PLBD2: variants seen among roughly 807,000 people sequenced by gnomAD.
PLBD2 encodes the protein putative aminopeptidase PLBD2.
PLBD2 carries 51 observed loss-of-function variants against 68.3 expected under a neutral mutation model. The ratio of observed to expected loss-of-function variants is 0.75; its 90% CI spans 0.60 to 0.94. PLBD2 has a LOEUF of 0.94. PLBD2 is among the 40% of genes least tolerant of loss of function. The probability of loss-of-function intolerance (pLI) is 0.00; values close to 1 mark genes in which losing one functional copy is unlikely to be tolerated. For missense variants in PLBD2, 729 were observed against 792.2 expected, an observed-to-expected ratio of 0.92 and a Z score of 0.96; for synonymous variants, 314 against 339.3, an observed-to-expected ratio of 0.93 and a Z score of 0.82.
intron 1 of PLBD2, among the ~76,000 whole-genome samples, chr12:113,366,056 T>G (rs1389940898): frequency 6.6e-6 from 1 of 152,204 alleles, no homozygotes; most frequent in Non-Finnish European, 1.5e-5. Context: ...CCTCAATGTC[T>G]GGCAGCCAGT....
chr12:113,359,904 C>T (rs971511978), intron 1 of PLBD2, among the ~76,000 whole-genome samples: 2 of 152,062 alleles, frequency 1.3e-5, no homozygotes, highest in East Asian at 1.9e-4. Flanking sequence ...CTAGGGAACC[C>T]GGGGTGCATC....
chr12:113,370,472 C>CTTT (rs71086162), intron 2 of PLBD2, among the ~76,000 whole-genome samples: 93 of 103,610 alleles, frequency 9.0e-4, no homozygotes, highest in Non-Finnish European at 1.1e-3. Flanking sequence ...TTTTTCTTTT[C>CTTT]TTTTTTTTTT....
At chr12:113,381,866 G>A (rs1219164551) in intron 6 of PLBD2, among the ~76,000 whole-genome samples, 2 of 151,854 alleles carry the variant, frequency 1.3e-5, no homozygotes, top group African/African-American at 2.4e-5. Context: ...CTGTCACTCA[G>A]GTTGGAATGC....
intron 1 of PLBD2, among the ~76,000 whole-genome samples, chr12:113,361,047 A>G (rs1957288558): frequency 6.6e-6 from 1 of 152,086 alleles, no homozygotes; most frequent in Non-Finnish European, 1.5e-5. Context: ...TAGGCAGGAA[A>G]CTGAGGTCCT....
rs193035139 is a variant in PLBD2 at position 113,369,125 on chromosome 12, C to T, written c.300C>T (p.Phe100=). 2.8e-5 allele frequency: 44 copies of T among 1,596,880 alleles called. No individual in the cohort carries two copies. In the East Asian group the frequency reaches 8.8e-4, roughly 32 times the overall value. ...CCTCCTTCCCCTCCAGGTGGGCCTT[C>T]CTGGAGCTGGGCACAAGTGGCCAAT... ...TNAIRETGWA[F]LELGTSGQYN... The change falls in exon 2 of 12, where the codon TTC becomes TTT. Residue 100 remains phenylalanine, a synonymous_variant. Transcript: ENST00000280800.
Position 113,358,772 on chromosome 12 carries a change from G to T in PLBD2, c.172G>T (p.Ala58Ser). 1 of 1,443,330 alleles carries T rather than the reference G, an allele frequency of 6.9e-7. No individual in the cohort carries two copies. The allele number at this position is 1,443,330 out of a possible 1,614,324, so 89.4% of individuals were successfully genotyped here. A position where few individuals can be genotyped will look rare whatever the true frequency, so the allele number is the denominator to read the frequency against. The change falls in exon 1 of 12, where the codon GCC becomes TCC. Residue 58 changes from alanine (A) to serine (S), a missense_variant. Ala to Ser is a moderately conservative substitution (Grantham distance 99, BLOSUM62 1). Coordinates refer to ENST00000280800, the MANE Select transcript of PLBD2 (RefSeq NM_173542.4). ...GGCGCGCGATGGGCAGGTCCCTCCA[G>T]CCTCCCGCAGCCGCTCGGTGCTCCT... The part of the protein sequence containing the change: ...RWARDGQVPP[A>S]SRSRSVLLDV...
In PLBD2 at chr12:113,372,174, C is replaced by T. The variant is rs920330782; in HGVS notation, c.385-475C>T. The stretch of plus-strand genomic sequence containing the variant: ...ACGTGGTCTTTTGTCCCCCAGCAGG[C>T]GAGCCTGGACTCATGCAGGTGGCAT... On this transcript the variant is annotated intron_variant, in intron 2 of 11. Transcript: ENST00000280800. The surrounding 1 kb of genome is among the most constrained non-coding windows in gnomAD (Gnocchi z 4.2). 6.6e-6 allele frequency among the ~76,000 whole-genome samples: 1 copy of T among 150,506 alleles called. No homozygotes were observed. The highest frequency in any genetic ancestry group is 6.7e-5 in the Admixed American group (1 of 15,008).
At chr12:113,376,261 T>G (rs1957437619) in intron 5 of PLBD2, among the ~76,000 whole-genome samples, 3 of 151,646 alleles carry the variant, frequency 2.0e-5, no homozygotes, top group Admixed American at 6.6e-5. Flanking sequence ...CCTCCTGGGT[T>G]CAAGTGATTC....
At chr12:113,360,112 G>A (rs747333329) in intron 1 of PLBD2, among the ~76,000 whole-genome samples, 11 of 152,194 alleles carry the variant, frequency 7.2e-5, no homozygotes, top group African/African-American at 2.7e-4. Flanking sequence ...CCCCCATTCT[G>A]GTGGCACTTG....
In PLBD2 at chr12:113,372,876, C is replaced by G; in HGVS notation, c.543+69C>G. On this transcript the variant is annotated intron_variant, in intron 3 of 11. Coordinates refer to ENST00000280800, the MANE Select transcript of PLBD2 (RefSeq NM_173542.4). This position sits in a 1 kb window ranked among gnomAD's most constrained non-coding sequence, Gnocchi z 4.2. ...GCCAGCCATCCTGTCTCCTGTTGTT[C>G]TGGCCAGCCTTGTGGCATGTCCAGC... The G allele has an allele frequency of 6.4e-7, 1 of 1,557,986 alleles. No individual in the cohort carries two copies. The highest frequency in any genetic ancestry group is 8.7e-7 in the Non-Finnish European group (1 of 1,150,620).
intron 3 of PLBD2, among the ~76,000 whole-genome samples, chr12:113,374,025 G>A (rs1957414279): frequency 6.6e-6 from 1 of 152,102 alleles, no homozygotes; most frequent in Non-Finnish European, 1.5e-5. Flanking sequence ...CCTGCCCAAG[G>A]CCCCATGAGG....
intron 5 of PLBD2, among the ~76,000 whole-genome samples, chr12:113,376,545 T>C (rs1230484219): frequency 1.3e-5 from 2 of 152,180 alleles, no homozygotes; most frequent in Non-Finnish European, 1.5e-5. Flanking sequence ...CCATTTGCTA[T>C]GAGGAACTGC....
rs1474100774 is a variant in PLBD2 at position 113,391,391 on chromosome 12, G to A, written c.*2765G>A. 1 of 152,232 alleles carries A rather than the reference G, an allele frequency of 6.6e-6. No homozygotes were observed. The highest frequency in any genetic ancestry group is 1.5e-5 in the Non-Finnish European group (1 of 68,054). 9.4% of individuals were successfully genotyped at this position (152,232 alleles called of 1,614,324 possible). A position where few individuals can be genotyped will look rare whatever the true frequency, so the allele number is the denominator to read the frequency against. On this transcript the variant is annotated 3_prime_UTR_variant, in exon 12 of 12. Coordinates refer to ENST00000280800, the MANE Select transcript of PLBD2 (RefSeq NM_173542.4). ...CTGGGGGATGTGATGCAGCCCACTT[G>A]GGGCCTCATGCACTCAGCATCTCTT...
intron 9 of PLBD2, among the ~76,000 whole-genome samples, chr12:113,385,653 T>C (rs1593291997): frequency 6.6e-6 from 1 of 152,198 alleles, no homozygotes; most frequent in East Asian, 1.9e-4. Context: ...GTCACTAGAG[T>C]TCCTGTTCCC....
At chr12:113,368,288 G>A (rs34991985) in intron 1 of PLBD2, among the ~76,000 whole-genome samples, 5,576 of 152,296 alleles carry the variant, frequency 0.037, 151 homozygotes, top group Middle Eastern at 0.092. Context: ...GGGCAGCAGT[G>A]CTGTGTGATA....
chr12:113,378,969 C>T (rs565343745), intron 5 of PLBD2, among the ~76,000 whole-genome samples: 5 of 152,248 alleles, frequency 3.3e-5, no homozygotes, highest in Middle Eastern at 3.4e-3. Context: ...CCACTGTGCC[C>T]GGCCTACTGG....
intron 6 of PLBD2, among the ~76,000 whole-genome samples, chr12:113,382,869 T>G (rs7309572): frequency 0.042 from 2,624 of 62,466 alleles, 11 homozygotes; most frequent in African/African-American, 0.066. Context: ...GTGTGTGTGT[T>G]TTTTTTTTTT....
rs888520223 is a variant in PLBD2, at chr12:113,390,433, C to A, written c.*1807C>A. The A allele has an allele frequency of 5.3e-5, 8 of 152,156 alleles. No individual in the cohort carries two copies. The highest frequency in any genetic ancestry group is 1.9e-4 in the African/African-American group (8 of 41,402). 9.4% of individuals were successfully genotyped at this position (152,156 alleles called of 1,614,324 possible). A position where few individuals can be genotyped will look rare whatever the true frequency, so the allele number is the denominator to read the frequency against. On this transcript the variant is annotated 3_prime_UTR_variant, in exon 12 of 12. Transcript: ENST00000280800. Reference sequence around the variant, plus strand: ...ACCCATTCACTCCTCCATCCACCTACCTATCCATTTATCACCCATTTACCC... The same window carrying A: ...ACCCATTCACTCCTCCATCCACCTAACTATCCATTTATCACCCATTTACCC...
intron 1 of PLBD2, among the ~76,000 whole-genome samples, chr12:113,365,408 C>T (rs894086481): frequency 6.6e-5 from 10 of 151,780 alleles, no homozygotes; most frequent in Non-Finnish European, 1.3e-4. Flanking sequence ...TGTAACCTCC[C>T]GGGTTCAAGC....
Sources: gnomAD v4.1 joint callset for allele counts (sites outside exome capture counted in the v4.1 genomes callset) on GRCh38, gnomAD v4.1.1 for gene constraint, Gnocchi (gnomAD v3.1) non-coding constraint, MANE v1.5 for transcripts, NCBI Gene and HGNC (gene_info 2026-07-23, HGNC 2026-07-21) for gene names.